Variants in SMOC2 observed in about 807,000 individuals in gnomAD.
SMOC2 encodes the protein SPARC-related modular calcium-binding protein 2.
In SMOC2, 39 loss-of-function variants were observed where a neutral mutation model predicts 61.4. The observed-to-expected ratio is 0.64, with a 90% CI of 0.49 to 0.83. The LOEUF is 0.83. SMOC2 is among the 40% of genes least tolerant of loss of function. The pLI is 0.00. For missense variants in SMOC2, 556 were observed against 592.9 expected (o/e 0.94, Z 0.65); for synonymous variants, 247 against 239.9 (o/e 1.03, Z -0.27).
intron 9 of SMOC2, among the ~76,000 whole-genome samples, chr6:168,643,720 C>T (rs183380689): frequency 3.5e-4 from 54 of 152,302 alleles, no homozygotes; most frequent in Admixed American, 2.8e-3. Context: ...CTGCCTCTAC[C>T]CCCCAGCAAG....
intron 7 of SMOC2, among the ~76,000 whole-genome samples, chr6:168,571,204 TA>T (rs1475374257): frequency 6.6e-6 from 1 of 152,218 alleles, no homozygotes; most frequent in South Asian, 2.1e-4. Context: ...TTTTGTTTAG[TA>T]AAAAAGGTTT....
At chr6:168,547,040 C>T in intron 5 of SMOC2, 79 bp from the exon 6 acceptor site, 1 of 1,562,958 alleles carries the variant, frequency 6.4e-7, no homozygotes, top group East Asian at 2.2e-5. Context: ...AAGTCCTCAG[C>T]ATCCACCCGT....
chr6:168,518,657 GTA>G (rs1490106393), intron 2 of SMOC2, among the ~76,000 whole-genome samples: 3 of 150,284 alleles, frequency 2.0e-5, no homozygotes, highest in Non-Finnish European at 4.4e-5. Flanking sequence ...GTGTGGGTGT[GTA>G]TGTATGGAGA....
intron 7 of SMOC2, among the ~76,000 whole-genome samples, chr6:168,574,713 C>T (rs1455065278): frequency 1.3e-5 from 2 of 152,054 alleles, no homozygotes; most frequent in East Asian, 1.9e-4. Context: ...AGACCCATCC[C>T]GAACTGCCGG....
chr6:168,628,282 C>T (rs985000682), intron 9 of SMOC2, among the ~76,000 whole-genome samples: 7 of 152,140 alleles, frequency 4.6e-5, no homozygotes, highest in East Asian at 1.9e-4. Context: ...AGTAACATCC[C>T]GTTGTCCTCT....
chr6:168,482,912 A>G (rs781477826), intron 1 of SMOC2, among the ~76,000 whole-genome samples: 1 of 152,066 alleles, frequency 6.6e-6, no homozygotes, highest in Non-Finnish European at 1.5e-5. Flanking sequence ...ACATAATAAA[A>G]GCCACATATG....
intron 8 of SMOC2, among the ~76,000 whole-genome samples, chr6:168,603,416 C>T (rs768153646): frequency 2.0e-5 from 3 of 152,022 alleles, no homozygotes; most frequent in Admixed American, 6.5e-5. Flanking sequence ...ACATCTGTCA[C>T]GTCTCAGCTC....
In SMOC2 at chr6:168,614,373, G is replaced by A. The variant is rs1359893578; in HGVS notation, c.907+6134G>A. 1.2e-4 allele frequency among the ~76,000 whole-genome samples: 11 copies of A among 93,662 alleles called. 1 individual carries two copies. The highest frequency in any genetic ancestry group is 5.1e-4 in the African/African-American group (11 of 21,530). 61.4% of individuals were successfully genotyped at this position (93,662 alleles called of 152,430 possible). ...CCTCTTCATACCTACAGCCAGCACAGGGCCTCTTCATACCTACAGCCAGCA... is the reference window on the plus strand; with the variant it reads ...CCTCTTCATACCTACAGCCAGCACAAGGCCTCTTCATACCTACAGCCAGCA... On this transcript the variant is annotated intron_variant, in intron 9 of 12. Transcript: ENST00000356284.
At chr6:168,643,157 C>T (rs1384783552) in intron 9 of SMOC2, among the ~76,000 whole-genome samples, 4 of 152,190 alleles carry the variant, frequency 2.6e-5, no homozygotes, top group African/African-American at 9.7e-5. Flanking sequence ...GCCTCACAGC[C>T]CCTTCCCTGG....
At chr6:168,620,014 C>G (rs1257747191) in intron 9 of SMOC2, among the ~76,000 whole-genome samples, 1 of 152,206 alleles carries the variant, frequency 6.6e-6, no homozygotes, top group Non-Finnish European at 1.5e-5. Context: ...GGTTGGCAGT[C>G]ACTGCCTTCA....
At chr6:168,595,047 T>A (rs1785283315) in intron 7 of SMOC2, among the ~76,000 whole-genome samples, 1 of 132,106 alleles carries the variant, frequency 7.6e-6, no homozygotes, top group African/African-American at 2.8e-5. Flanking sequence ...CTCACGAGCA[T>A]CTTTCTAGAG....
intron 1 of SMOC2, among the ~76,000 whole-genome samples, chr6:168,454,812 A>G (rs1781545777): frequency 6.6e-6 from 1 of 152,218 alleles, no homozygotes; most frequent in African/African-American, 2.4e-5. Context: ...TGTACTGGCC[A>G]TGTGCTGAAG....
chr6:168,614,194 G>C (rs1286420633), intron 9 of SMOC2, among the ~76,000 whole-genome samples: 1 of 72,938 alleles, frequency 1.4e-5, no homozygotes, highest in African/African-American at 6.1e-5. Context: ...CACACCTACA[G>C]CCAGCACAGA....
At chr6:168,470,690 TA>T (rs1341699962) in intron 1 of SMOC2, among the ~76,000 whole-genome samples, 13 of 151,902 alleles carry the variant, frequency 8.6e-5, no homozygotes, top group Non-Finnish European at 1.6e-4. Context: ...AAAGTAAAAT[TA>T]AATAAATAAA....
intron 8 of SMOC2, among the ~76,000 whole-genome samples, chr6:168,603,829 G>A (rs1785620009): frequency 6.6e-6 from 1 of 152,214 alleles, no homozygotes; most frequent in Non-Finnish European, 1.5e-5. Flanking sequence ...AAGAAGCAAG[G>A]AAGCCTGCAG....
At chr6:168,538,794 A>C (rs1239395399) in intron 4 of SMOC2, among the ~76,000 whole-genome samples, 1 of 135,216 alleles carries the variant, frequency 7.4e-6, no homozygotes, top group East Asian at 2.3e-4. Context: ...CCCCTGCTGG[A>C]ATCTGGGGGA....
intron 7 of SMOC2, among the ~76,000 whole-genome samples, chr6:168,565,193 T>G (rs968533373): frequency 5.3e-5 from 8 of 152,240 alleles, no homozygotes; most frequent in Non-Finnish European, 1.2e-4. Flanking sequence ...TTGGGCTTTC[T>G]TTAAAAATCA....
rs572865290 is a variant in SMOC2, at chr6:168,498,721, C to G, written c.85-11194C>G. ...TCCTCCCAGCCCTACGAGTCAGAGT[C>G]TCTGGGGGGATGGCCAGGGCCCATA... On this transcript the variant is annotated intron_variant, in intron 1 of 12. Coordinates refer to ENST00000356284, the MANE Select transcript of SMOC2 (RefSeq NM_001166412.2). Among the ~76,000 whole-genome samples the G allele has an allele frequency of 5.4e-5, 8 of 148,798 alleles. No individual in the cohort carries two copies. The South Asian group carries it at 1.8e-3, about 33-fold the overall frequency.
At chr6:168,562,963 G>A (rs767776645) in intron 7 of SMOC2, among the ~76,000 whole-genome samples, 11 of 152,212 alleles carry the variant, frequency 7.2e-5, no homozygotes, top group Non-Finnish European at 1.6e-4. Context: ...CCATCTCACT[G>A]GAGCAAACAC....
Sources: gnomAD v4.1 joint callset for allele counts (sites outside exome capture counted in the v4.1 genomes callset) on GRCh38, gnomAD v4.1.1 for gene constraint, MANE v1.5 for transcripts, NCBI Gene and HGNC (gene_info 2026-07-23, HGNC 2026-07-21) for gene names.